Variants in STYK1 observed in about 807,000 individuals in gnomAD.
The protein encoded by STYK1 is tyrosine-protein kinase STYK1.
A neutral mutation model predicts 48.1 loss-of-function variants in STYK1; 46 were observed. That is an observed-to-expected ratio of 0.96 (90% confidence interval 0.75 to 1.22). The LOEUF (loss-of-function observed/expected upper bound fraction) is 1.22, where lower values mean the gene tolerates loss of function less well. Ranked by LOEUF, STYK1 falls within the 50% of genes most tolerant of loss-of-function variation. The probability of loss-of-function intolerance (pLI) is 0.00; values close to 1 mark genes in which losing one functional copy is unlikely to be tolerated. For missense variants in STYK1, 527 were observed against 521.1 expected (o/e 1.01, Z -0.11); for synonymous variants, 188 against 189.0 (o/e 0.99, Z 0.04).
intron 1 of STYK1, among the ~76,000 whole-genome samples, chr12:10,656,658 G>A (rs369045301): frequency 2.6e-5 from 4 of 152,112 alleles, no homozygotes; most frequent in African/African-American, 9.6e-5. Flanking sequence ...AAAAAAACAA[G>A]GGATTAATAC....
chr12:10,660,716 G>A (rs1346389028), intron 1 of STYK1, among the ~76,000 whole-genome samples: 2 of 152,104 alleles, frequency 1.3e-5, no homozygotes, highest in Non-Finnish European at 2.9e-5. Context: ...CATCCTCATT[G>A]CTCATTATAC....
chr12:10,635,248 GTC>G (rs138830971), intron 2 of STYK1, among the ~76,000 whole-genome samples: 4,465 of 152,258 alleles, frequency 0.029, 119 homozygotes, highest in Non-Finnish European at 0.038. Context: ...AATCCCCTGA[GTC>G]TCTGGAATTA....
At position 10,631,265 on chromosome 12, in the gene STYK1, T is replaced by A. The variant is rs1420226254; in HGVS notation, c.231A>T (p.Ala77=). 1 of 1,614,112 alleles carries A rather than the reference T, an allele frequency of 6.2e-7. No individual in the cohort carries two copies. Among genetic ancestry groups the A allele is most frequent in the African/African-American group, 1.3e-5 (1 of 74,938 alleles). The stretch of plus-strand genomic sequence containing the variant: ...GCAAAGCCACATTTCCTCCATGTCC[T>A]GCTTCCCAGCTTAGGTCCCTAGGTG... ...VPPPRDLSWE[A]GHGGNVALPL... is the part of the protein sequence containing the mutation. The change falls in exon 5 of 11, where the codon GCA becomes GCT. Residue 77 remains alanine (A), a synonymous_variant. Transcript: ENST00000075503.
At chr12:10,667,141 G>A (rs192655510) in intron 1 of STYK1, 1 of 152,116 alleles carries the variant, frequency 6.6e-6, no homozygotes, top group Admixed American at 6.5e-5. Flanking sequence ...ACCCTTAAAT[G>A]TATAAAGATG....
At position 10,634,030 on chromosome 12, in the gene STYK1, G is replaced by A; in HGVS notation, c.147C>T (p.Ile49=). The A allele has an allele frequency of 6.2e-7, 1 of 1,614,098 alleles. No homozygotes were observed. Among genetic ancestry groups the A allele is most frequent in the Non-Finnish European group, 8.5e-7 (1 of 1,180,010 alleles). The change falls in exon 4 of 11, where the codon ATC becomes ATT. Residue 49 remains isoleucine, a synonymous_variant. Coordinates refer to ENST00000075503, the MANE Select transcript of STYK1 (RefSeq NM_018423.3). ...ILLGVILWLF[I]REQRTQQQRS... Reference sequence around the variant, plus strand: ...GCTGCTGTTGAGTTCTTTGTTCTCTGATAAAAAGCCACAGGATGACCCCAA... The same window carrying A: ...GCTGCTGTTGAGTTCTTTGTTCTCTAATAAAAAGCCACAGGATGACCCCAA...
intron 1 of STYK1, among the ~76,000 whole-genome samples, chr12:10,657,047 T>C (rs747193525): frequency 1.1e-5 from 1 of 92,864 alleles, no homozygotes; most frequent in Non-Finnish European, 2.1e-5. Flanking sequence ...AGAAGCATAC[T>C]CTTGACCACC....
intron 1 of STYK1, among the ~76,000 whole-genome samples, chr12:10,643,439 T>C (rs1189300354): frequency 1.3e-5 from 2 of 152,254 alleles, no homozygotes; most frequent in African/African-American, 4.8e-5. Context: ...GCCTGAATTT[T>C]GCTCTGTAAC....
At chr12:10,664,682 T>C (rs562788527) in intron 1 of STYK1, among the ~76,000 whole-genome samples, 1 of 152,350 alleles carries the variant, frequency 6.6e-6, no homozygotes, top group African/African-American at 2.4e-5. Flanking sequence ...CCTGTCTCTA[T>C]TTCCTAGTAA....
At position 10,620,200 on chromosome 12, in the gene STYK1, C is replaced by T; in HGVS notation, c.1213G>A (p.Ala405Thr). 1.2e-6 allele frequency: 2 copies of T among 1,614,232 alleles called. No individual in the cohort carries two copies. Among genetic ancestry groups the T allele is most frequent in the Non-Finnish European group, 8.5e-7 (1 of 1,180,048 alleles). Residue 405 changes from alanine to threonine, a missense_variant, in exon 11 of 11, where the codon GCA (alanine) becomes ACA (threonine). Physicochemically the swap from Ala to Thr is moderately conservative, Grantham distance 58 (BLOSUM62 0). Transcript: ENST00000075503. ...VPELVVPELY[A>T]AVAGIRVESL... ...TCCACTCTGATGCCGGCCACAGCTG[C>T]ATACAGTTCAGGTACCACCAACTCT...
chr12:10,640,621 A>G (rs1947533348), intron 1 of STYK1: 2 of 152,316 alleles, frequency 1.3e-5, no homozygotes, highest in Non-Finnish European at 2.9e-5. Context: ...CATGGTGCCT[A>G]GGAGTCCTGC....
At chr12:10,629,071 A>G (rs921908704) in intron 6 of STYK1, among the ~76,000 whole-genome samples, 8 of 152,188 alleles carry the variant, frequency 5.3e-5, no homozygotes, top group Non-Finnish European at 1.2e-4. Context: ...CCCATTTTAC[A>G]GATTCAGAAA....
intron 1 of STYK1, among the ~76,000 whole-genome samples, chr12:10,643,658 G>A (rs1947568758): frequency 6.6e-6 from 1 of 152,168 alleles, no homozygotes; most frequent in Non-Finnish European, 1.5e-5. Context: ...GTCAAAAAAA[G>A]TTTCTTTAAG....
intron 4 of STYK1, among the ~76,000 whole-genome samples, chr12:10,631,842 T>C (rs563346749): frequency 6.6e-6 from 1 of 152,322 alleles, no homozygotes; most frequent in Admixed American, 6.5e-5. Context: ...TGGTACTCTC[T>C]CCTTCCCTTG....
chr12:10,630,032 G>GGAGAGAGAGAGA (rs11268204), intron 5 of STYK1, among the ~76,000 whole-genome samples: 1 of 137,366 alleles, frequency 7.3e-6, no homozygotes, highest in African/African-American at 3.0e-5. Context: ...ATCATGAAGA[G>GGAGAGAGAGAGA]GAGAGAGAGA....
intron 1 of STYK1, among the ~76,000 whole-genome samples, chr12:10,666,547 T>C (rs16922945): frequency 0.21 from 31,772 of 152,174 alleles, 3,495 homozygotes; most frequent in Middle Eastern, 0.28. Context: ...CATATGTGGA[T>C]ATTACATGTT....
At position 10,634,625 on chromosome 12, in the gene STYK1, A is replaced by G; in HGVS notation, c.-7T>C. On this transcript the variant is annotated 5_prime_UTR_variant, in exon 3 of 11. Coordinates refer to ENST00000075503, the MANE Select transcript of STYK1 (RefSeq NM_018423.3). ...GCATCCGTGTCATGCCCATTGCCAC[A>G]GGGCTGTCCCCTTCCCTGCTAGGCC... 6.2e-7 allele frequency: 1 copy of G among 1,614,184 alleles called. No individual in the cohort carries two copies.
intron 1 of STYK1, among the ~76,000 whole-genome samples, chr12:10,653,275 A>G (rs892092117): frequency 1.3e-5 from 2 of 151,548 alleles, no homozygotes; most frequent in Non-Finnish European, 2.9e-5. Context: ...ACGGGGTTTC[A>G]CCATGTTAGC....
rs201067174 is a variant in STYK1 at position 10,670,884 on chromosome 12, C to T, written c.-195+3082G>A. Among the ~76,000 whole-genome samples, 3 of 147,292 alleles carry T rather than the reference C, an allele frequency of 2.0e-5. No homozygotes were observed. The East Asian group carries it at 5.9e-4, about 29-fold the overall frequency. ...TAATTAAACATAAATTTTAAATATA[C>T]ATATAATAAAAATAAAGAATACCCA... is the stretch of plus-strand genomic sequence containing the variant. On this transcript the variant is annotated intron_variant, in intron 1 of 10. Transcript: ENST00000075503.
intron 8 of STYK1, among the ~76,000 whole-genome samples, chr12:10,623,657 T>C (rs373666744): frequency 3.7e-4 from 56 of 152,174 alleles, no homozygotes; most frequent in African/African-American, 1.3e-3. Context: ...AAAAATAAAC[T>C]GCTGAAAAAG....
Sources: allele counts gnomAD v4.1 joint callset (sites outside exome capture counted in the v4.1 genomes callset), GRCh38; gene constraint gnomAD v4.1.1; transcripts MANE v1.5; gene names NCBI Gene and HGNC (gene_info 2026-07-23, HGNC 2026-07-21).